The following LHFPL2 variants were observed in gnomAD, a reference collection of about 807,000 sequenced individuals.
LHFPL2 encodes LHFPL tetraspan subfamily member 2 protein.
A neutral mutation model predicts 17.5 loss-of-function variants in LHFPL2; 7 were observed. That is an observed-to-expected ratio of 0.40 (90% CI 0.23 to 0.75). The LOEUF (loss-of-function observed/expected upper bound fraction) is 0.75. Ranked by LOEUF, LHFPL2 falls within the 30% of genes least tolerant of loss-of-function variation. LHFPL2 has a pLI of 0.37. For missense variants in LHFPL2, 241 were observed against 294.8 expected, an observed-to-expected ratio of 0.82 and a Z score of 1.34; for synonymous variants, 134 against 116.2, an observed-to-expected ratio of 1.15 and a Z score of -0.99.
intron 3 of LHFPL2, among the ~76,000 whole-genome samples, chr5:78,562,711 C>G (rs1262953444): frequency 6.6e-6 from 1 of 151,388 alleles, no homozygotes; most frequent in Non-Finnish European, 1.5e-5. Flanking sequence ...AATGTCTGTT[C>G]TTGTGTTTGT....
At chr5:78,641,778 A>G (rs1745667108) in intron 1 of LHFPL2, among the ~76,000 whole-genome samples, 1 of 152,200 alleles carries the variant, frequency 6.6e-6, no homozygotes, top group Non-Finnish European at 1.5e-5. Context: ...AAATGTGCAG[A>G]TAACACACCT....
Position 78,544,166 on chromosome 5 carries a change from T to C in LHFPL2, c.-186+20647A>G, listed in dbSNP as rs188001840. Among the ~76,000 whole-genome samples, 317 of 152,282 alleles carry C rather than the reference T, an allele frequency of 2.1e-3. 2 individuals are homozygous for C. The highest frequency in any genetic ancestry group is 7.2e-3 in the African/African-American group (298 of 41,566). ...CACGTGGCTGTCTTCCAGATATAGT[T>C]TGTCCTCTTACTTGAAGCCCCCAAC... On this transcript the variant is annotated intron_variant, in intron 3 of 4. Transcript: ENST00000380345.
chr5:78,578,475 C>A, intron 2 of LHFPL2, among the ~76,000 whole-genome samples: 1 of 151,970 alleles, frequency 6.6e-6, no homozygotes, highest in East Asian at 1.9e-4. Flanking sequence ...AGTTAATTTC[C>A]TTCTCTTGCA....
intron 3 of LHFPL2, among the ~76,000 whole-genome samples, chr5:78,515,815 G>A (rs12108890): frequency 0.41 from 62,260 of 151,958 alleles, 13,377 homozygotes; most frequent in African/African-American, 0.53. Flanking sequence ...CAGTTCCTTG[G>A]TATTGGGGAG....
At chr5:78,579,677 A>C (rs1024074282) in intron 2 of LHFPL2, among the ~76,000 whole-genome samples, 9 of 152,052 alleles carry the variant, frequency 5.9e-5, no homozygotes, top group Non-Finnish European at 1.2e-4. Context: ...TGAACTCATC[A>C]TTTTTTATGG....
chr5:78,581,747 TTC>T (rs1743151618), intron 2 of LHFPL2, among the ~76,000 whole-genome samples: 1 of 152,238 alleles, frequency 6.6e-6, no homozygotes, highest in Non-Finnish European at 1.5e-5. Context: ...TGGTCTAAAA[TTC>T]TCTTTTTTGG....
intron 2 of LHFPL2, among the ~76,000 whole-genome samples, chr5:78,598,308 A>G (rs569319694): frequency 6.6e-6 from 1 of 152,346 alleles, no homozygotes; most frequent in African/African-American, 2.4e-5. Flanking sequence ...TAAGCCAAGC[A>G]CATTTGAACA....
intron 3 of LHFPL2, among the ~76,000 whole-genome samples, chr5:78,564,332 T>TAATCATA (rs927432542): frequency 1.3e-5 from 2 of 152,232 alleles, no homozygotes; most frequent in African/African-American, 4.8e-5. Flanking sequence ...CCTGTAGAAT[T>TAATCATA]AATCATAAAT....
chr5:78,582,263 G>GT (rs1417394893), intron 2 of LHFPL2, among the ~76,000 whole-genome samples: 3 of 151,942 alleles, frequency 2.0e-5, no homozygotes, highest in Non-Finnish European at 4.4e-5. Context: ...TTTTTTGAAG[G>GT]TTTTTTTGTG....
chr5:78,592,784 TAC>T (rs370959500), intron 2 of LHFPL2, among the ~76,000 whole-genome samples: 2 of 140,194 alleles, frequency 1.4e-5, no homozygotes, highest in Non-Finnish European at 3.0e-5. Context: ...AAAATTCAGA[TAC>T]ACACACACAC....
chr5:78,533,495 T>C (rs1383749345), intron 3 of LHFPL2, among the ~76,000 whole-genome samples: 1 of 152,172 alleles, frequency 6.6e-6, no homozygotes, highest in Non-Finnish European at 1.5e-5. Flanking sequence ...TAGGATGCTA[T>C]GGAAAAGGTA....
At position 78,603,224 on chromosome 5, in the gene LHFPL2, G is replaced by C. The variant is rs377023081; in HGVS notation, c.-245+29040C>G. Among the ~76,000 whole-genome samples the C allele has an allele frequency of 1.2e-4, 18 of 152,262 alleles. No individual in the cohort carries two copies. In the East Asian group the frequency reaches 1.4e-3, roughly 11 times the overall value. ...GTATTATATGCATTTTAGCAAGATG[G>C]AAACTGAGGCTCCGCAGGGTTAAGT... On this transcript the variant is annotated intron_variant, in intron 2 of 4. Transcript: ENST00000380345.
intron 2 of LHFPL2, among the ~76,000 whole-genome samples, chr5:78,594,306 T>C (rs1743752800): frequency 6.6e-6 from 1 of 152,202 alleles, no homozygotes; most frequent in African/African-American, 2.4e-5. Flanking sequence ...ATAGACATCC[T>C]CCGACTCAAC....
At chr5:78,579,932 C>G (rs1458114294) in intron 2 of LHFPL2, among the ~76,000 whole-genome samples, 1 of 152,202 alleles carries the variant, frequency 6.6e-6, no homozygotes, top group African/African-American at 2.4e-5. Context: ...ACACTGACTT[C>G]CACAATGTTT....
chr5:78,539,357 A>G (rs1756039196), intron 3 of LHFPL2, among the ~76,000 whole-genome samples: 1 of 152,194 alleles, frequency 6.6e-6, no homozygotes, highest in Non-Finnish European at 1.5e-5. Context: ...TATAGCAGGA[A>G]CTAAGTGAAT....
intron 2 of LHFPL2, chr5:78,624,793 G>C (rs1744971081): frequency 6.6e-6 from 1 of 151,062 alleles, no homozygotes; most frequent in East Asian, 1.9e-4. Flanking sequence ...TACCATCCTG[G>C]TTTTCTTTTC....
chr5:78,490,746 C>CAAAAAAAA lies in LHFPL2; in HGVS notation c.431-1601_431-1594dup, dbSNP rs370809060. ...CTGGCAAAAGAGTGAGACTCCCTCTCAAAAAAAAAAAAAAAAAAGCAAGAT... is the reference window on the plus strand; with the variant it reads ...CTGGCAAAAGAGTGAGACTCCCTCTCAAAAAAAAAAAAAAAAAAAAAAAAAAGCAAGAT... On this transcript the variant is annotated intron_variant, in intron 4 of 4. Coordinates refer to ENST00000380345, the MANE Select transcript of LHFPL2 (RefSeq NM_005779.3). Among the ~76,000 whole-genome samples the CAAAAAAAA allele has an allele frequency of 8.0e-4, 74 of 92,078 alleles. 2 individuals are homozygous for CAAAAAAAA. The highest frequency in any genetic ancestry group is 6.0e-3 in the Middle Eastern group (1 of 166). The allele number at this position is 92,078 out of a possible 152,430, so 60.4% of individuals were successfully genotyped here.
intron 4 of LHFPL2, among the ~76,000 whole-genome samples, chr5:78,489,922 T>G (rs980094122): frequency 3.9e-5 from 6 of 152,162 alleles, no homozygotes; most frequent in African/African-American, 1.4e-4. Context: ...CAACTCCTGG[T>G]CTAAGGAAAT....
intron 1 of LHFPL2, among the ~76,000 whole-genome samples, chr5:78,639,747 T>C (rs1302699880): frequency 6.6e-6 from 1 of 152,262 alleles, no homozygotes; most frequent in African/African-American, 2.4e-5. Context: ...AAACACTGCT[T>C]ACTGGTAAGT....
Sources: gnomAD v4.1 joint callset for allele counts (sites outside exome capture counted in the v4.1 genomes callset) on GRCh38, gnomAD v4.1.1 for gene constraint, MANE v1.5 for transcripts, NCBI Gene and HGNC (gene_info 2026-07-23, HGNC 2026-07-21) for gene names.